The following DIP2C variants were observed in gnomAD, a reference collection of about 807,000 sequenced individuals.
DIP2C encodes the protein DIP2 acetate--CoA ligase C (putative), also known as disco-interacting protein 2 homolog C.
Under a neutral mutation model 192.4 loss-of-function variants are expected in DIP2C, and 33 were observed. The ratio of observed to expected loss-of-function variants is 0.17; its 90% CI spans 0.13 to 0.23. The LOEUF (loss-of-function observed/expected upper bound fraction) is 0.23. Among genes scored for constraint, DIP2C ranks in the 10% least tolerant of loss-of-function variants. The pLI, the probability that DIP2C is intolerant of heterozygous loss-of-function variation, is 1.00. For missense variants in DIP2C, 1,537 were observed against 2,110.1 expected, an observed-to-expected ratio of 0.73 and a Z score of 5.32; for synonymous variants, 979 against 864.1, an observed-to-expected ratio of 1.13 and a Z score of -2.33.
chr10:619,528 A>G (rs770053541), intron 1 of DIP2C, among the ~76,000 whole-genome samples: 5,232 of 129,254 alleles, frequency 0.04, 144 homozygotes, highest in East Asian at 0.14. Context: ...GCCAGGACCA[A>G]GCCCGCCCGC....
intron 32 of DIP2C, among the ~76,000 whole-genome samples, chr10:298,415 G>A (rs145328788): frequency 5.3e-5 from 8 of 152,258 alleles, no homozygotes; most frequent in Non-Finnish European, 1.0e-4. Context: ...TGGTGACCTC[G>A]CACTTAGCTG....
chr10:661,917 G>A (rs1162747505), intron 1 of DIP2C: 6 of 653,312 alleles, frequency 9.2e-6, no homozygotes, highest in African/African-American at 9.0e-5. Context: ...TAGACTCACA[G>A]CTTCATCTGC....
At chr10:371,813 C>A (rs1358506618) in intron 17 of DIP2C, among the ~76,000 whole-genome samples, 1 of 152,224 alleles carries the variant, frequency 6.6e-6, no homozygotes, top group African/African-American at 2.4e-5. Flanking sequence ...GTCTCCAACT[C>A]CAGCCTCCAG....
intron 25 of DIP2C, 76 bp downstream of exon 25, chr10:349,255 C>T (rs1389398962): frequency 3.4e-5 from 52 of 1,543,612 alleles, no homozygotes; most frequent in African/African-American, 8.1e-5. Context: ...CAGGCACCAG[C>T]GGGTGTAAGG....
chr10:544,657 G>GTTTTCA (rs1035749376), intron 1 of DIP2C, among the ~76,000 whole-genome samples: 1 of 152,104 alleles, frequency 6.6e-6, no homozygotes, highest in South Asian at 2.1e-4. Flanking sequence ...TCTCACGGTG[G>GTTTTCA]TTTTCATTTT....
intron 3 of DIP2C, 57 bp from the exon 4 acceptor site, chr10:441,053 T>C: frequency 6.4e-7 from 1 of 1,564,308 alleles, no homozygotes; most frequent in Non-Finnish European, 8.6e-7. Context: ...GAGGCCAAGC[T>C]GCACCCTCCT....
chr10:422,248 G>GC (rs916410213), intron 5 of DIP2C, among the ~76,000 whole-genome samples: 5 of 152,260 alleles, frequency 3.3e-5, no homozygotes, highest in Non-Finnish European at 5.9e-5. Context: ...GCGACGTGAG[G>GC]CCCATCACCG....
At chr10:434,017 T>G (rs559633611) in intron 4 of DIP2C, among the ~76,000 whole-genome samples, 210 of 152,264 alleles carry the variant, frequency 1.4e-3, no homozygotes, top group African/African-American at 4.7e-3. Context: ...AATTCACAAG[T>G]AACCCAAGCC....
chr10:459,384 C>T (rs946764327), intron 3 of DIP2C, among the ~76,000 whole-genome samples: 5 of 151,960 alleles, frequency 3.3e-5, no homozygotes, highest in Non-Finnish European at 5.9e-5. Context: ...GACACGGGAC[C>T]GGGACATTCT....
chr10:454,504 G>A (rs2133348204), intron 3 of DIP2C, among the ~76,000 whole-genome samples: 1 of 151,168 alleles, frequency 6.6e-6, no homozygotes, highest in Non-Finnish European at 1.5e-5. Flanking sequence ...AGATATTCAG[G>A]GATAAAAGCA....
At chr10:610,137 A>C (rs1852975781) in intron 1 of DIP2C, among the ~76,000 whole-genome samples, 1 of 152,188 alleles carries the variant, frequency 6.6e-6, no homozygotes, top group Non-Finnish European at 1.5e-5. Context: ...GCAGTACTCC[A>C]CCACACAGAG....
intron 19 of DIP2C, among the ~76,000 whole-genome samples, chr10:365,647 A>T (rs1031137610): frequency 1.3e-5 from 2 of 152,254 alleles, no homozygotes; most frequent in Non-Finnish European, 2.9e-5. Context: ...CCTACTTGGT[A>T]AAAAGATAAG....
At chr10:332,449 A>G (rs1252233311) in intron 29 of DIP2C, among the ~76,000 whole-genome samples, 1 of 152,194 alleles carries the variant, frequency 6.6e-6, no homozygotes, top group Non-Finnish European at 1.5e-5. Flanking sequence ...GACAGCAGAA[A>G]CAAATAGAAA....
chr10:597,166 A>AG lies in DIP2C; in HGVS notation c.85+92327dup, dbSNP rs1851758505. The stretch of plus-strand genomic sequence containing the variant: ...GGGCTCGCTCCACCTGTCTGGCTGC[A>AG]GGCCAGTGGCATCCGTCTTCTGCCC... On this transcript the variant is annotated intron_variant, in intron 1 of 36. Transcript: ENST00000280886. Among the ~76,000 whole-genome samples, 8 of 152,212 alleles carry AG rather than the reference A, an allele frequency of 5.3e-5. No homozygotes were observed. The South Asian group carries it at 1.7e-3, about 31-fold the overall frequency.
intron 31 of DIP2C, among the ~76,000 whole-genome samples, chr10:317,184 G>T (rs533933889): frequency 6.6e-6 from 1 of 152,238 alleles, no homozygotes; most frequent in South Asian, 2.1e-4. Flanking sequence ...GTGACAAACT[G>T]TCAGGAAATG....
intron 4 of DIP2C, among the ~76,000 whole-genome samples, chr10:436,871 G>C (rs1967277289): frequency 6.9e-6 from 1 of 144,502 alleles, no homozygotes. Context: ...CCTGGACATG[G>C]TAGGGTGATA....
intron 1 of DIP2C, among the ~76,000 whole-genome samples, chr10:535,997 G>A (rs1269577056): frequency 6.6e-6 from 1 of 152,240 alleles, no homozygotes; most frequent in African/African-American, 2.4e-5. Context: ...TTTTCAGATG[G>A]ATGGTACGTC....
chr10:539,463 T>C (rs1458544588), intron 1 of DIP2C, among the ~76,000 whole-genome samples: 1 of 152,264 alleles, frequency 6.6e-6, no homozygotes. Context: ...ATATGTCATA[T>C]GCAAACACTA....
chr10:562,823 A>G (rs756465472), intron 1 of DIP2C, among the ~76,000 whole-genome samples: 40 of 152,372 alleles, frequency 2.6e-4, no homozygotes, highest in Non-Finnish European at 4.7e-4. Flanking sequence ...ACAGAAATCC[A>G]TAACATCAAA....
Sources: allele counts gnomAD v4.1 joint callset (sites outside exome capture counted in the v4.1 genomes callset), GRCh38; gene constraint gnomAD v4.1.1; transcripts MANE v1.5; gene names NCBI Gene and HGNC (gene_info 2026-07-23, HGNC 2026-07-21).